The following SPTSSA variants were observed in gnomAD, a reference collection of about 807,000 sequenced individuals.
The protein encoded by SPTSSA is small subunit of serine palmitoyltransferase A.
A neutral mutation model predicts 9.1 loss-of-function variants in SPTSSA; 8 were observed. That is an observed-to-expected ratio of 0.88 (90% confidence interval 0.51 to 1.58). The LOEUF (loss-of-function observed/expected upper bound fraction) is 1.58. Ranked by LOEUF, SPTSSA falls within the 40% of genes most tolerant of loss-of-function variation. The pLI is 0.00. For missense variants in SPTSSA, 100 were observed against 93.8 expected, an observed-to-expected ratio of 1.07 and a Z score of -0.27; for synonymous variants, 42 against 37.7, an observed-to-expected ratio of 1.11 and a Z score of -0.41.
At chr14:34,459,735 G>A (rs180774132) in intron 1 of SPTSSA, among the ~76,000 whole-genome samples, 1 of 151,982 alleles carries the variant, frequency 6.6e-6, no homozygotes, top group African/African-American at 2.4e-5. Context: ...GAGCCAAGAT[G>A]GCGACATTAC....
intron 1 of SPTSSA, among the ~76,000 whole-genome samples, chr14:34,452,532 C>G (rs1280779122): frequency 6.6e-6 from 1 of 152,140 alleles, no homozygotes; most frequent in Non-Finnish European, 1.5e-5. Flanking sequence ...TTAGAAACTA[C>G]AACTTGATGA....
chr14:34,446,088 T>C (rs1271473301), intron 1 of SPTSSA, among the ~76,000 whole-genome samples: 1 of 152,224 alleles, frequency 6.6e-6, no homozygotes, highest in Admixed American at 6.5e-5. Context: ...TACACTACAG[T>C]GTATTTTCAC....
intron 1 of SPTSSA, among the ~76,000 whole-genome samples, chr14:34,452,601 C>T (rs753173462): frequency 3.3e-5 from 5 of 152,162 alleles, no homozygotes; most frequent in African/African-American, 9.7e-5. Flanking sequence ...GTAATGATCA[C>T]GGACTGAAAA....
At chr14:34,459,458 CAAA>C (rs778799046) in intron 1 of SPTSSA, among the ~76,000 whole-genome samples, 1 of 108,440 alleles carries the variant, frequency 9.2e-6, no homozygotes, top group African/African-American at 3.5e-5. Flanking sequence ...GACACCGTCT[CAAA>C]AAAAAAAAAA....
At chr14:34,457,663 G>GTC (rs1375061220) in intron 1 of SPTSSA, among the ~76,000 whole-genome samples, 1 of 152,148 alleles carries the variant, frequency 6.6e-6, no homozygotes, top group Non-Finnish European at 1.5e-5. Context: ...CACTTCAAAT[G>GTC]TCTCATCAGA....
In SPTSSA at chr14:34,434,018, T is replaced by C. The variant is rs912312982; in HGVS notation, c.*1183A>G. ...AACACACATAATTGCCTAATTCTTT[T>C]CAATTAGCAATATTTTTATGTTGCA... On this transcript the variant is annotated 3_prime_UTR_variant, in exon 2 of 2. Coordinates refer to ENST00000298130, the MANE Select transcript of SPTSSA (RefSeq NM_138288.4). 17 of 152,028 alleles carry C rather than the reference T, an allele frequency of 1.1e-4. No individual in the cohort carries two copies. The highest frequency in any genetic ancestry group is 3.4e-3 in the Middle Eastern group (1 of 294). The allele number at this position is 152,028 out of a possible 1,614,324, so 9.4% of individuals were successfully genotyped here.
Position 34,462,197 on chromosome 14 carries a change from AT to A in SPTSSA, c.10del (p.Met4TrpfsTer89). On this transcript the variant is annotated frameshift_variant, in exon 1 of 2. Transcript: ENST00000298130. LOFTEE classifies it high-confidence loss of function. MAG[M>X]ALARAWKQMS... The stretch of plus-strand genomic sequence containing the variant: ...CTGCTTCCAGGCCCGCGCCAGCGCC[AT>A]CCCCGCCATGCGCCTCCCGCGATGC... The A allele has an allele frequency of 6.5e-7, 1 of 1,529,872 alleles. No homozygotes were observed. The highest frequency in any genetic ancestry group is 8.8e-7 in the Non-Finnish European group (1 of 1,134,280). The allele number at this position is 1,529,872 out of a possible 1,614,324, so 94.8% of individuals were successfully genotyped here.
At chr14:34,462,019 C>G in intron 1 of SPTSSA, 77 bp downstream of exon 1, 1 of 1,085,176 alleles carries the variant, frequency 9.2e-7, no homozygotes, top group Non-Finnish European at 1.2e-6. Context: ...CCACCCCAGG[C>G]CCGGGGCCTG....
At chr14:34,457,231 G>C (rs1594626647) in intron 1 of SPTSSA, among the ~76,000 whole-genome samples, 1 of 152,090 alleles carries the variant, frequency 6.6e-6, no homozygotes, top group East Asian at 2.0e-4. Flanking sequence ...AGCCACCTCA[G>C]CCTCCCAAAG....
chr14:34,435,271 A>G lies in SPTSSA; in HGVS notation c.146T>C (p.Leu49Pro). Reference sequence around the variant, plus strand: ...GGGCATGAAGACGTATCCTGTGTATAGTGCCATCCCCACAATGGAAACCAG... The same window carrying G: ...GGGCATGAAGACGTATCCTGTGTATGGTGCCATCCCCACAATGGAAACCAG... ...SMLVSIVGMA[L>P]YTGYVFMPQH... Residue 49 changes from leucine (L) to proline (P), a missense_variant, in exon 2 of 2, where the codon CTA becomes CCA. By Grantham distance (98) the Leu-to-Pro change is moderately conservative. Coordinates refer to ENST00000298130, the MANE Select transcript of SPTSSA (RefSeq NM_138288.4). 2.5e-6 allele frequency: 4 copies of G among 1,613,352 alleles called. No homozygotes were observed. Among genetic ancestry groups the G allele is most frequent in the Non-Finnish European group, 3.4e-6 (4 of 1,179,478 alleles).
At position 34,462,132 on chromosome 14, in the gene SPTSSA, G is replaced by A. The variant is rs1288515637; in HGVS notation, c.76C>T (p.Leu26Phe). The A allele has an allele frequency of 2.0e-6, 3 of 1,530,188 alleles. No individual in the cohort carries two copies. The highest frequency in any genetic ancestry group is 1.2e-5 in the South Asian group (1 of 86,314). 94.8% of individuals were successfully genotyped at this position (1,530,188 alleles called of 1,614,324 possible). The change falls in exon 1 of 2, where the codon CTC becomes TTC. Residue 26 changes from leucine (L) to phenylalanine (F), a missense_variant. By Grantham distance (22) the Leu-to-Phe change is conservative. Coordinates refer to ENST00000298130, the MANE Select transcript of SPTSSA (RefSeq NM_138288.4). ...CGCTCCCAGGGCTCCAGCATGTAGA[G>A]CGCCGTGACCAGCAGGTACTGGTAG... is the stretch of plus-strand genomic sequence containing the variant. ...FYYQYLLVTA[L>F]YMLEPWERTV... is the part of the protein sequence containing the mutation.
Position 34,432,806 on chromosome 14 carries a change from A to C in SPTSSA, c.*2395T>G, listed in dbSNP as rs1039413231. On this transcript the variant is annotated 3_prime_UTR_variant, in exon 2 of 2. Transcript: ENST00000298130. ...CATTAGCTTTTTTCAGCAATAAATA[A>C]TTCTTTAATTAAGATAGGTATATTG... 2 of 151,994 alleles carry C rather than the reference A, an allele frequency of 1.3e-5. No homozygotes were observed. Among genetic ancestry groups the C allele is most frequent in the African/African-American group, 4.8e-5 (2 of 41,402 alleles). The allele number at this position is 151,994 out of a possible 1,614,324, so 9.4% of individuals were successfully genotyped here.
chr14:34,443,135 GT>G (rs1216219763), intron 1 of SPTSSA, among the ~76,000 whole-genome samples: 1 of 49,864 alleles, frequency 2.0e-5, no homozygotes, highest in Non-Finnish European at 3.5e-5. Context: ...GCTTCTAGGG[GT>G]GTGTGTGTGT....
At chr14:34,456,628 T>C (rs1249658385) in intron 1 of SPTSSA, among the ~76,000 whole-genome samples, 1 of 152,056 alleles carries the variant, frequency 6.6e-6, no homozygotes, top group African/African-American at 2.4e-5. Flanking sequence ...CCAGGCGCGG[T>C]AGCTCATGCC....
rs190902239 is a variant in SPTSSA, at chr14:34,451,611, T to G, written c.112+10485A>C. Among the ~76,000 whole-genome samples the G allele has an allele frequency of 2.3e-4, 35 of 150,760 alleles. No homozygotes were observed. In the East Asian group the frequency reaches 6.9e-3, roughly 30 times the overall value. On this transcript the variant is annotated intron_variant, in intron 1 of 1. Transcript: ENST00000298130. ...GGTGGCGGGCGCCTGTAGTCCCAGC[T>G]ACTCCGGAGGCTGAGGCAGGAGAAT...
Position 34,443,153 on chromosome 14 carries a change from G to A in SPTSSA, c.113-7849C>T, listed in dbSNP as rs1002647760. Reference sequence around the variant, plus strand: ...TCTAGGGGTGTGTGTGTGTGTGTGTGTGTGTGTGTGTGTGTGTGTTTTGAG... The same window carrying A: ...TCTAGGGGTGTGTGTGTGTGTGTGTATGTGTGTGTGTGTGTGTGTTTTGAG... On this transcript the variant is annotated intron_variant, in intron 1 of 1. Transcript: ENST00000298130. 4.1e-3 allele frequency among the ~76,000 whole-genome samples: 445 copies of A among 107,578 alleles called. 25 individuals carry two copies. The highest frequency in any genetic ancestry group is 0.019 in the African/African-American group (402 of 20,954). 70.6% of individuals were successfully genotyped at this position (107,578 alleles called of 152,430 possible).
intron 1 of SPTSSA, among the ~76,000 whole-genome samples, chr14:34,450,670 T>C (rs991331949): frequency 6.6e-6 from 1 of 152,184 alleles, no homozygotes; most frequent in African/African-American, 2.4e-5. Flanking sequence ...TTATAACTTG[T>C]CTCTAAACAC....
intron 1 of SPTSSA, among the ~76,000 whole-genome samples, chr14:34,448,482 G>T (rs1216055741): frequency 6.6e-6 from 1 of 152,160 alleles, no homozygotes; most frequent in Non-Finnish European, 1.5e-5. Flanking sequence ...TCACACTTCA[G>T]CTATAACAGG....
At chr14:34,449,821 T>C (rs1160809570) in intron 1 of SPTSSA, among the ~76,000 whole-genome samples, 1 of 152,192 alleles carries the variant, frequency 6.6e-6, no homozygotes, top group Non-Finnish European at 1.5e-5. Context: ...GGTTTTATTG[T>C]CACACTTCAA....
Sources: gnomAD v4.1 joint callset for allele counts (sites outside exome capture counted in the v4.1 genomes callset) on GRCh38, gnomAD v4.1.1 for gene constraint, MANE v1.5 for transcripts, NCBI Gene and HGNC (gene_info 2026-07-23, HGNC 2026-07-21) for gene names.